The following PACRG variants were observed in gnomAD, a reference collection of about 807,000 sequenced individuals.
PACRG encodes the protein parkin coregulated.
In PACRG, 29 loss-of-function variants were observed where a neutral mutation model predicts 29.7. The ratio of observed to expected loss-of-function variants is 0.98; its 90% CI spans 0.73 to 1.33. The LOEUF (loss-of-function observed/expected upper bound fraction) is 1.33. Ranked by LOEUF, PACRG falls within the 40% of genes most tolerant of loss-of-function variation. The pLI is 0.00. For missense variants in PACRG, 279 were observed against 316.2 expected (o/e 0.88, Z 0.89); for synonymous variants, 116 against 118.7 (o/e 0.98, Z 0.15).
chr6:163,222,359 C>T (rs997055186), intron 4 of PACRG, among the ~76,000 whole-genome samples: 11 of 152,118 alleles, frequency 7.2e-5, no homozygotes, highest in Admixed American at 4.6e-4. Flanking sequence ...GCGGGTGGAT[C>T]CCCCGAGGTC....
At chr6:163,121,245 C>T (rs992786529) in intron 4 of PACRG, among the ~76,000 whole-genome samples, 1 of 152,102 alleles carries the variant, frequency 6.6e-6, no homozygotes, top group African/African-American at 2.4e-5. Flanking sequence ...CCTTATAAAC[C>T]ATAAAGCATT....
chr6:162,859,700 A>G (rs1791694278), intron 2 of PACRG, among the ~76,000 whole-genome samples: 1 of 152,226 alleles, frequency 6.6e-6, no homozygotes, highest in Non-Finnish European at 1.5e-5. Flanking sequence ...AGAAAGGCCA[A>G]GAAGAAGCTA....
At chr6:163,054,453 G>A (rs1359749202) in intron 2 of PACRG, among the ~76,000 whole-genome samples, 2 of 152,138 alleles carry the variant, frequency 1.3e-5, no homozygotes, top group Non-Finnish European at 2.9e-5. Context: ...ATACATGTGT[G>A]TTTTTCAAGC....
chr6:162,815,740 G>T (rs1787280280), intron 2 of PACRG, among the ~76,000 whole-genome samples: 2 of 151,866 alleles, frequency 1.3e-5, no homozygotes, highest in Admixed American at 1.3e-4. Context: ...TTGGATTTTT[G>T]GATTCATATA....
intron 1 of PACRG, among the ~76,000 whole-genome samples, chr6:162,806,392 G>A (rs1231515669): frequency 6.6e-6 from 1 of 150,518 alleles, no homozygotes; most frequent in Admixed American, 6.6e-5. Context: ...TTACAGGTGT[G>A]AGCCACCACA....
At chr6:163,175,003 A>G (rs1391521353) in intron 4 of PACRG, among the ~76,000 whole-genome samples, 1 of 152,192 alleles carries the variant, frequency 6.6e-6, no homozygotes, top group Non-Finnish European at 1.5e-5. Flanking sequence ...AACCAGGTGG[A>G]CTTTTTGTAC....
chr6:163,136,701 T>C (rs892404903), intron 4 of PACRG, among the ~76,000 whole-genome samples: 5 of 152,226 alleles, frequency 3.3e-5, no homozygotes, highest in Non-Finnish European at 7.3e-5. Context: ...GAAACTGTTG[T>C]ACTACACCTT....
At position 163,290,278 on chromosome 6, in the gene PACRG, GCACACACACACACACACA is replaced by G. The variant is rs3064946; in HGVS notation, c.614-24520_614-24503del. Among the ~76,000 whole-genome samples the G allele has an allele frequency of 7.4e-3, 847 of 114,564 alleles. 9 individuals are homozygous for G. The highest frequency in any genetic ancestry group is 0.021 in the African/African-American group (699 of 32,794). The allele number at this position is 114,564 out of a possible 152,430, so 75.2% of individuals were successfully genotyped here. A position where few individuals can be genotyped will look rare whatever the true frequency, so the allele number is the denominator to read the frequency against. On this transcript the variant is annotated intron_variant, in intron 4 of 4. Transcript: ENST00000366888. ...CATGTGCGCATGCACGCGCGCGCGC[GCACACACACACACACACA>G]CACACACACACACACACACACACAC... is the stretch of plus-strand genomic sequence containing the variant.
At chr6:162,782,840 ATTAAC>A (rs1225821812) in intron 1 of PACRG, among the ~76,000 whole-genome samples, 1 of 151,906 alleles carries the variant, frequency 6.6e-6, no homozygotes, top group Admixed American at 6.6e-5. Context: ...TATTTTAAAT[ATTAAC>A]TTTAATGGTA....
At chr6:162,846,039 G>A (rs961422153) in intron 2 of PACRG, among the ~76,000 whole-genome samples, 5 of 152,118 alleles carry the variant, frequency 3.3e-5, no homozygotes, top group Admixed American at 2.6e-4. Flanking sequence ...TGGGGGAGCC[G>A]GCAGACCTAG....
chr6:163,212,581 A>G (rs1781192452), intron 4 of PACRG, among the ~76,000 whole-genome samples: 1 of 152,198 alleles, frequency 6.6e-6, no homozygotes, highest in Non-Finnish European at 1.5e-5. Context: ...GGACCCTTTG[A>G]CCTTCAAAAT....
chr6:163,126,511 G>A (rs924467076), intron 4 of PACRG, among the ~76,000 whole-genome samples: 3 of 152,138 alleles, frequency 2.0e-5, no homozygotes, highest in African/African-American at 4.8e-5. Flanking sequence ...GAGCAAATGC[G>A]GTTGAGACAG....
At chr6:163,202,982 G>A (rs907068669) in intron 4 of PACRG, among the ~76,000 whole-genome samples, 6 of 152,128 alleles carry the variant, frequency 3.9e-5, no homozygotes, top group Non-Finnish European at 5.9e-5. Context: ...CCACAAAGTC[G>A]GAAGGGGCTG....
At chr6:162,978,382 A>G (rs1802133454) in intron 2 of PACRG, among the ~76,000 whole-genome samples, 1 of 152,130 alleles carries the variant, frequency 6.6e-6, no homozygotes, top group Non-Finnish European at 1.5e-5. Context: ...TTTTGTTTAG[A>G]ATACCAGTTT....
chr6:163,013,869 T>C (rs1276339146), intron 2 of PACRG, among the ~76,000 whole-genome samples: 2 of 151,986 alleles, frequency 1.3e-5, no homozygotes, highest in Non-Finnish European at 1.5e-5. Context: ...GAGGTTTTTT[T>C]TTTTTTTTAC....
chr6:162,772,033 G>A (rs1242967980), intron 1 of PACRG, among the ~76,000 whole-genome samples: 1 of 152,106 alleles, frequency 6.6e-6, no homozygotes, highest in Non-Finnish European at 1.5e-5. Flanking sequence ...AAAGGCTTTT[G>A]CATGATATTT....
In PACRG at chr6:163,055,033, A is replaced by AT. The variant is rs1447186803; in HGVS notation, c.292-7115dup. Among the ~76,000 whole-genome samples, 1 of 152,178 alleles carries AT rather than the reference A, an allele frequency of 6.6e-6. No individual in the cohort carries two copies. Among genetic ancestry groups the AT allele is most frequent in the Non-Finnish European group, 1.5e-5 (1 of 68,024 alleles). ...AGGAGAACAGAAAGGAGATTCAAGG[A>AT]TTAGACACAAAGAAAGTCACTGGTG... is the stretch of plus-strand genomic sequence containing the variant. On this transcript the variant is annotated intron_variant, in intron 2 of 4. Coordinates refer to ENST00000366888, the MANE Select transcript of PACRG (RefSeq NM_001080379.2). This position sits in a 1 kb window ranked among gnomAD's most constrained non-coding sequence, Gnocchi z 4.0.
At chr6:162,975,743 A>G (rs1801892895) in intron 2 of PACRG, among the ~76,000 whole-genome samples, 1 of 150,906 alleles carries the variant, frequency 6.6e-6, no homozygotes, top group Non-Finnish European at 1.5e-5. Context: ...AAAAATTCAA[A>G]TAAAATCTTT....
At chr6:163,102,037 C>T (rs1220946898) in intron 4 of PACRG, among the ~76,000 whole-genome samples, 1 of 152,138 alleles carries the variant, frequency 6.6e-6, no homozygotes, top group African/African-American at 2.4e-5. Context: ...TTTACCAAAT[C>T]CCTCAAAGAC....
Sources: allele counts gnomAD v4.1 joint callset (sites outside exome capture counted in the v4.1 genomes callset), GRCh38; gene constraint gnomAD v4.1.1; non-coding constraint Gnocchi (gnomAD v3.1); transcripts MANE v1.5; gene names NCBI Gene and HGNC (gene_info 2026-07-23, HGNC 2026-07-21).